Variants in LIN28B observed in about 807,000 individuals in gnomAD.
LIN28B encodes the protein protein lin-28 homolog B.
In LIN28B, 5 loss-of-function variants were observed where a neutral mutation model predicts 21.9. The observed-to-expected ratio is 0.23, with a 90% CI of 0.12 to 0.48. The LOEUF is 0.48. Among genes scored for constraint, LIN28B ranks in the 20% least tolerant of loss-of-function variants. The probability of loss-of-function intolerance (pLI) is 0.98; values close to 1 mark genes in which losing one functional copy is unlikely to be tolerated. For missense variants in LIN28B, 245 were observed against 310.5 expected (o/e 0.79, Z 1.58); for synonymous variants, 109 against 111.3 (o/e 0.98, Z 0.13).
Position 105,081,227 on chromosome 6 carries a change from A to G in LIN28B, c.*2444A>G, listed in dbSNP as rs1243266209. The G allele has an allele frequency of 1.3e-5, 2 of 152,652 alleles. No homozygotes were observed. The highest frequency in any genetic ancestry group is 3.8e-4 in the East Asian group (2 of 5,200). The allele number at this position is 152,652 out of a possible 1,614,324, so 9.5% of individuals were successfully genotyped here. On this transcript the variant is annotated 3_prime_UTR_variant, in exon 4 of 4. Transcript: ENST00000345080. Reference sequence around the variant, plus strand: ...CAAACCAAATAACTTATACCTTTATATAAGTATTATGTACTGATGATAGTA... The same window carrying G: ...CAAACCAAATAACTTATACCTTTATGTAAGTATTATGTACTGATGATAGTA...
chr6:105,002,215 A>T, intron 2 of LIN28B, among the ~76,000 whole-genome samples: 2 of 124,752 alleles, frequency 1.6e-5, no homozygotes, highest in African/African-American at 3.1e-5. Context: ...GTTCATTTTT[A>T]CCCAACTTTG....
chr6:105,061,936 C>T (rs2114402222), intron 3 of LIN28B, among the ~76,000 whole-genome samples: 1 of 151,986 alleles, frequency 6.6e-6, no homozygotes, highest in South Asian at 2.1e-4. Flanking sequence ...ATATTCTGCT[C>T]AGTAGTCTTC....
intron 3 of LIN28B, among the ~76,000 whole-genome samples, chr6:105,050,883 T>C (rs907709103): frequency 1.3e-5 from 2 of 151,296 alleles, no homozygotes; most frequent in African/African-American, 2.5e-5. Context: ...AGACAAGATA[T>C]AAAATATGTA....
intron 2 of LIN28B, among the ~76,000 whole-genome samples, chr6:104,967,694 T>C (rs1769892468): frequency 6.6e-6 from 1 of 151,120 alleles, no homozygotes; most frequent in Non-Finnish European, 1.5e-5. Context: ...ATTATTATTA[T>C]TTAGAAACAG....
chr6:104,971,053 T>C (rs996449389), intron 2 of LIN28B, among the ~76,000 whole-genome samples: 16 of 152,176 alleles, frequency 1.1e-4, no homozygotes, highest in African/African-American at 3.9e-4. Flanking sequence ...GCTACTTGTA[T>C]TCAAATGTTT....
At chr6:104,975,071 C>T (rs781667481) in intron 2 of LIN28B, among the ~76,000 whole-genome samples, 4 of 152,216 alleles carry the variant, frequency 2.6e-5, no homozygotes, top group Non-Finnish European at 4.4e-5. Flanking sequence ...CCGCCCACTT[C>T]GGCCTCCCAA....
At chr6:105,017,808 G>A (rs1771058822) in intron 2 of LIN28B, among the ~76,000 whole-genome samples, 2 of 152,078 alleles carry the variant, frequency 1.3e-5, no homozygotes, top group Non-Finnish European at 2.9e-5. Flanking sequence ...TTACCTGGGT[G>A]GTGGGATCAA....
rs1472535518 is a variant in LIN28B, at chr6:105,050,424, A to C, written c.383+23942A>C. 1.3e-5 allele frequency among the ~76,000 whole-genome samples: 2 copies of C among 151,538 alleles called. 1 individual carries two copies. On this transcript the variant is annotated intron_variant, in intron 3 of 3. Coordinates refer to ENST00000345080, the MANE Select transcript of LIN28B (RefSeq NM_001004317.4). ...GAGACCATCCTGGCTAACAAGGTGA[A>C]ACCCCGTCTCTACTAAAAATACAAA...
chr6:105,031,454 A>C (rs1238014942), intron 3 of LIN28B, among the ~76,000 whole-genome samples: 1 of 152,032 alleles, frequency 6.6e-6, no homozygotes, highest in Non-Finnish European at 1.5e-5. Flanking sequence ...TTAAATTTGG[A>C]AGTAAGCATT....
chr6:105,008,077 C>T (rs1770851841), intron 2 of LIN28B, among the ~76,000 whole-genome samples: 1 of 152,202 alleles, frequency 6.6e-6, no homozygotes, highest in Non-Finnish European at 1.5e-5. Flanking sequence ...TTATTGCTGA[C>T]ATAGTAACAT....
At chr6:105,032,670 C>T (rs942742266) in intron 3 of LIN28B, among the ~76,000 whole-genome samples, 8 of 151,682 alleles carry the variant, frequency 5.3e-5, no homozygotes, top group South Asian at 2.1e-4. Flanking sequence ...TGCAGTGGGT[C>T]GTGATCAGTC....
intron 2 of LIN28B, among the ~76,000 whole-genome samples, chr6:104,997,550 C>T (rs548111991): frequency 4.0e-5 from 6 of 151,586 alleles, no homozygotes; most frequent in African/African-American, 2.4e-5. Context: ...CCCGCCCCCC[C>T]CCGCCACACA....
At chr6:104,994,994 C>G (rs963343695) in intron 2 of LIN28B, among the ~76,000 whole-genome samples, 4 of 152,150 alleles carry the variant, frequency 2.6e-5, no homozygotes, top group Admixed American at 2.6e-4. Flanking sequence ...TTTTTGAGCA[C>G]CAACTTACTG....
intron 2 of LIN28B, among the ~76,000 whole-genome samples, chr6:104,973,050 G>C (rs1770012119): frequency 6.6e-6 from 1 of 151,824 alleles, no homozygotes; most frequent in African/African-American, 2.4e-5. Flanking sequence ...GTCAGAGGTT[G>C]CAGCGAGCCG....
chr6:105,060,254 C>G (rs1204718043), intron 3 of LIN28B, among the ~76,000 whole-genome samples: 1 of 151,450 alleles, frequency 6.6e-6, no homozygotes. Context: ...TTTGCTAATT[C>G]ATTTTTTTGT....
chr6:104,968,654 A>G (rs1170324586), intron 2 of LIN28B, among the ~76,000 whole-genome samples: 1 of 152,180 alleles, frequency 6.6e-6, no homozygotes, highest in African/African-American at 2.4e-5. Context: ...TAAATTTCAA[A>G]TTACTTTTAC....
chr6:105,006,914 A>G (rs1032786982), intron 2 of LIN28B, among the ~76,000 whole-genome samples: 2 of 152,246 alleles, frequency 1.3e-5, no homozygotes, highest in African/African-American at 4.8e-5. Flanking sequence ...TGTAAAAGAC[A>G]GTAGGGAAAT....
At chr6:105,030,206 A>G (rs930836228) in intron 3 of LIN28B, among the ~76,000 whole-genome samples, 5 of 152,226 alleles carry the variant, frequency 3.3e-5, no homozygotes, top group Non-Finnish European at 5.9e-5. Context: ...TAAAATATTC[A>G]ATAAACATAG....
At chr6:105,069,234 CA>C (rs768481283) in intron 3 of LIN28B, among the ~76,000 whole-genome samples, 13 of 151,944 alleles carry the variant, frequency 8.6e-5, no homozygotes, top group Non-Finnish European at 1.9e-4. Context: ...CAAAACAAAA[CA>C]AACAAAAAAA....
Sources: gnomAD v4.1 joint callset for allele counts (sites outside exome capture counted in the v4.1 genomes callset) on GRCh38, gnomAD v4.1.1 for gene constraint, MANE v1.5 for transcripts, NCBI Gene and HGNC (gene_info 2026-07-23, HGNC 2026-07-21) for gene names.